Variants in ATP13A4 observed in about 807,000 individuals in gnomAD.
ATP13A4 encodes ATPase 13A4.
ATP13A4 carries 114 observed loss-of-function variants against 142.5 expected under a neutral mutation model. The ratio of observed to expected loss-of-function variants is 0.80; its 90% CI spans 0.69 to 0.93. The LOEUF is 0.93. Ranked by LOEUF, ATP13A4 falls within the 40% of genes least tolerant of loss-of-function variation. ATP13A4 has a pLI of 0.00. For missense variants in ATP13A4, 1,392 were observed against 1,454.0 expected (o/e 0.96, Z 0.69); for synonymous variants, 488 against 514.8 (o/e 0.95, Z 0.70).
intron 7 of ATP13A4, among the ~76,000 whole-genome samples, chr3:193,487,542 T>G (rs1187159625): frequency 6.6e-6 from 1 of 152,182 alleles, no homozygotes; most frequent in African/African-American, 2.4e-5. Context: ...TTTGAACTGC[T>G]GGGTCTAAGC....
Position 193,442,479 on chromosome 3 carries a change from C to T in ATP13A4, c.2230G>A (p.Glu744Lys), listed in dbSNP as rs1301895522. The T allele has an allele frequency of 1.9e-6, 3 of 1,613,992 alleles. No individual in the cohort carries two copies. In the African/African-American group the frequency reaches 4.0e-5, roughly 22 times the overall value. ...VSESQKVILI[E>K]ANETTGSSSA... ...GAGGACCCGGTGGTTTCATTTGCCT[C>T]AATGAGAATGACTTTCTGGCTTTCA... is the stretch of plus-strand genomic sequence containing the variant. The change falls in exon 19 of 30, where the codon GAG (glutamate) becomes AAG (lysine). Residue 744 changes from glutamate to lysine, a missense_variant. By Grantham distance (56) the Glu-to-Lys change is moderately conservative (BLOSUM62 1). Transcript: ENST00000342695.
Position 193,503,675 on chromosome 3 carries a change from T to G in ATP13A4, c.235-1036A>C, listed in dbSNP as rs145308666. Among the ~76,000 whole-genome samples the G allele has an allele frequency of 1.1e-3, 162 of 152,292 alleles. 1 individual carries two copies. Among genetic ancestry groups the G allele is most frequent in the Non-Finnish European group, 1.9e-3 (127 of 68,028 alleles). On this transcript the variant is annotated intron_variant, in intron 2 of 29. Transcript: ENST00000342695. The stretch of plus-strand genomic sequence containing the variant: ...CAATCATTGTAGCTAATCTCTTATA[T>G]TCATCCTCCTAAGAGAAGACCGTCT...
chr3:193,437,205 C>T (rs2108619617), intron 23 of ATP13A4, among the ~76,000 whole-genome samples: 1 of 141,588 alleles, frequency 7.1e-6, no homozygotes, highest in Admixed American at 7.1e-5. Flanking sequence ...CTCCTTATTG[C>T]TTAGAGAGGT....
At chr3:193,540,978 G>C (rs540503198) in intron 1 of ATP13A4, among the ~76,000 whole-genome samples, 1 of 152,094 alleles carries the variant, frequency 6.6e-6, no homozygotes, top group Non-Finnish European at 1.5e-5. Flanking sequence ...GGCCGGGCGC[G>C]GTGGCTCACG....
chr3:193,573,292 C>CATAT (rs1318036721), intron 2 of ATP13A4, among the ~76,000 whole-genome samples: 1 of 107,888 alleles, frequency 9.3e-6, no homozygotes, highest in Non-Finnish European at 1.7e-5. Flanking sequence ...TATATATACA[C>CATAT]ATATATATAT....
At chr3:193,450,821 A>G (rs1358136772) in intron 17 of ATP13A4, among the ~76,000 whole-genome samples, 1 of 152,148 alleles carries the variant, frequency 6.6e-6, no homozygotes, top group Non-Finnish European at 1.5e-5. Context: ...AAGATGTGCC[A>G]GGCCATAAAG....
At chr3:193,588,469 C>T (rs541342416) in intron 1 of ATP13A4, among the ~76,000 whole-genome samples, 1 of 152,248 alleles carries the variant, frequency 6.6e-6, no homozygotes, top group South Asian at 2.1e-4. Flanking sequence ...GATTCCTCTT[C>T]CTAGTTTCTT....
chr3:193,521,869 G>T (rs1721737348), intron 1 of ATP13A4, among the ~76,000 whole-genome samples: 1 of 151,966 alleles, frequency 6.6e-6, no homozygotes, highest in African/African-American at 2.4e-5. Flanking sequence ...GGAGGCAGAG[G>T]TTGCAGTGAG....
At chr3:193,583,559 G>C (rs1168044012) in intron 1 of ATP13A4, among the ~76,000 whole-genome samples, 1 of 151,962 alleles carries the variant, frequency 6.6e-6, no homozygotes, top group Non-Finnish European at 1.5e-5. Context: ...CTAGTACCTG[G>C]TACACTAAAT....
chr3:193,445,404 C>G (rs1333109763), intron 18 of ATP13A4, among the ~76,000 whole-genome samples: 2 of 151,724 alleles, frequency 1.3e-5, no homozygotes, highest in African/African-American at 4.8e-5. Context: ...CCACTGCACT[C>G]CAGCCCTGGC....
chr3:193,588,863 G>C (rs551305250), intron 1 of ATP13A4, among the ~76,000 whole-genome samples: 57 of 152,262 alleles, frequency 3.7e-4, no homozygotes, highest in Admixed American at 9.2e-4. Context: ...CCTCAGGCCT[G>C]GCACGGTGGC....
chr3:193,575,988 A>T (rs539734520), intron 2 of ATP13A4, among the ~76,000 whole-genome samples: 1 of 152,280 alleles, frequency 6.6e-6, no homozygotes, highest in Admixed American at 6.5e-5. Context: ...GGGGCAGGGA[A>T]GAAGGACAGC....
chr3:193,441,689 ATCTGTAAAAGTCAC>A, intron 19 of ATP13A4, 101 bp from the exon 20 acceptor site: 1 of 1,421,732 alleles, frequency 7.0e-7, no homozygotes. Context: ...ACCAGGATCT[ATCTGTAAAAGTCAC>A]TCTGATTCCT....
At chr3:193,571,862 A>G (rs987213430) in intron 2 of ATP13A4, among the ~76,000 whole-genome samples, 8 of 152,180 alleles carry the variant, frequency 5.3e-5, no homozygotes, top group African/African-American at 1.9e-4. Flanking sequence ...AAATAAAATA[A>G]TAATAATAAT....
chr3:193,589,279 G>T (rs1184231021), intron 1 of ATP13A4, among the ~76,000 whole-genome samples: 1 of 151,980 alleles, frequency 6.6e-6, no homozygotes, highest in Admixed American at 6.6e-5. Context: ...TTGTTAATAA[G>T]GATTATAACA....
At chr3:193,544,475 A>G (rs1723114702) in intron 1 of ATP13A4, among the ~76,000 whole-genome samples, 1 of 152,192 alleles carries the variant, frequency 6.6e-6, no homozygotes, top group Non-Finnish European at 1.5e-5. Flanking sequence ...CAAGTGCAAC[A>G]GATAACCCTG....
At chr3:193,580,590 A>G (rs539542307) in intron 2 of ATP13A4, among the ~76,000 whole-genome samples, 1 of 152,170 alleles carries the variant, frequency 6.6e-6, no homozygotes, top group African/African-American at 2.4e-5. Context: ...CCTAGTATAT[A>G]TATTTTTTTA....
chr3:193,508,224 G>A (rs1720958527), intron 2 of ATP13A4, among the ~76,000 whole-genome samples: 2 of 152,186 alleles, frequency 1.3e-5, no homozygotes, highest in African/African-American at 2.4e-5. Context: ...ATAAATTTCT[G>A]TTATTTCAGC....
intron 1 of ATP13A4, among the ~76,000 whole-genome samples, chr3:193,586,954 T>C (rs1238331569): frequency 6.6e-6 from 1 of 152,252 alleles, no homozygotes; most frequent in East Asian, 1.9e-4. Context: ...CTGAGTCTTC[T>C]ATTCCAGGAA....
Sources: allele counts gnomAD v4.1 joint callset (sites outside exome capture counted in the v4.1 genomes callset), GRCh38; gene constraint gnomAD v4.1.1; transcripts MANE v1.5; gene names NCBI Gene and HGNC (gene_info 2026-07-23, HGNC 2026-07-21).